Variants in MCMDC2 observed in about 807,000 individuals in gnomAD.
MCMDC2 encodes the protein minichromosome maintenance domain-containing protein 2.
MCMDC2 carries 54 observed loss-of-function variants against 75.8 expected under a neutral mutation model. The observed-to-expected ratio is 0.71, with a 90% CI of 0.57 to 0.89. The LOEUF (loss-of-function observed/expected upper bound fraction) is 0.89. Among genes scored for constraint, MCMDC2 ranks in the 40% least tolerant of loss-of-function variants. MCMDC2 has a pLI of 0.00. For synonymous variants in MCMDC2, 249 were observed against 274.6 expected (o/e 0.91, Z 0.92); for missense variants, 656 against 780.4 (o/e 0.84, Z 1.90).
intron 8 of MCMDC2, among the ~76,000 whole-genome samples, chr8:66,882,041 G>T (rs1196972414): frequency 6.6e-6 from 1 of 152,192 alleles, no homozygotes; most frequent in African/African-American, 2.4e-5. Flanking sequence ...TTATAGGGTG[G>T]TTTTACTGGT....
downstream of MCMDC2, among the ~76,000 whole-genome samples, chr8:66,925,127 G>C (rs1294150334): frequency 2.0e-5 from 3 of 152,284 alleles, no homozygotes; most frequent in African/African-American, 7.2e-5. Flanking sequence ...GCCTCCCGAC[G>C]GTCCCTTGCA....
At chr8:66,926,149 C>T (rs1411021019), downstream of MCMDC2, 1 of 152,092 alleles carries the variant, frequency 6.6e-6, no homozygotes, top group Non-Finnish European at 1.5e-5. Flanking sequence ...TCAAAACAAA[C>T]AAACAAACCA....
At chr8:66,914,978 T>C (rs1303636034) in intron 14 of MCMDC2, among the ~76,000 whole-genome samples, 1 of 151,908 alleles carries the variant, frequency 6.6e-6, no homozygotes, top group Non-Finnish European at 1.5e-5. Context: ...TTTATCAAGA[T>C]TGGGGAGAAA....
At chr8:66,874,720 A>G (rs1248032784) in intron 4 of MCMDC2, 134 bp downstream of exon 4, 3 of 738,708 alleles carry the variant, frequency 4.1e-6, no homozygotes, top group African/African-American at 1.8e-5. Context: ...AATATCTTAC[A>G]TAGGCATCTT....
At chr8:66,905,022 A>G (rs1449347465) in intron 13 of MCMDC2, among the ~76,000 whole-genome samples, 1 of 152,154 alleles carries the variant, frequency 6.6e-6, no homozygotes, top group Admixed American at 6.5e-5. Flanking sequence ...ATGGAAACCA[A>G]AAGGATACTG....
In MCMDC2 at chr8:66,907,786, T is replaced by C. The variant is rs1812963947; in HGVS notation, c.1879+2451T>C. On this transcript the variant is annotated intron_variant, in intron 14 of 14. Coordinates refer to ENST00000422365, the MANE Select transcript of MCMDC2 (RefSeq NM_173518.5). ...CCATTCTAACTGTTGTGAGATGATA[T>C]CTCATTGTGGTTTTGATTTGCATTT... Among the ~76,000 whole-genome samples, 5 of 152,246 alleles carry C rather than the reference T, an allele frequency of 3.3e-5. No individual in the cohort carries two copies. The South Asian group carries it at 1.0e-3, about 32-fold the overall frequency.
chr8:66,880,880 T>C lies in MCMDC2; in HGVS notation c.741T>C (p.Asn247=). ...CAGTGAATAAAATGAATATAGGAAA[T>C]GAATATAAAATTATTGGAATTCCAA... ...DESVNKMNIG[N]EYKIIGIPTC... is the part of the protein sequence containing the mutation. Residue 247 remains asparagine, a synonymous_variant, in exon 8 of 15, where the codon AAT becomes AAC. Coordinates refer to ENST00000422365, the MANE Select transcript of MCMDC2 (RefSeq NM_173518.5). 1 of 1,561,174 alleles carries C rather than the reference T, an allele frequency of 6.4e-7. No individual in the cohort carries two copies. The highest frequency in any genetic ancestry group is 8.7e-7 in the Non-Finnish European group (1 of 1,153,968).
intron 4 of MCMDC2, among the ~76,000 whole-genome samples, chr8:66,875,399 C>T (rs1811234222): frequency 6.6e-6 from 1 of 152,140 alleles, no homozygotes; most frequent in South Asian, 2.1e-4. Context: ...CCTGCCTCAG[C>T]CTCCCAAGTA....
At chr8:66,879,383 A>G (rs963158484) in intron 7 of MCMDC2, among the ~76,000 whole-genome samples, 2 of 152,234 alleles carry the variant, frequency 1.3e-5, no homozygotes, top group Non-Finnish European at 2.9e-5. Flanking sequence ...ACCTAAGGTC[A>G]GGAGTTCAAG....
intron 14 of MCMDC2, among the ~76,000 whole-genome samples, chr8:66,915,597 G>A (rs1317791205): frequency 6.7e-6 from 1 of 149,956 alleles, no homozygotes; most frequent in Non-Finnish European, 1.5e-5. Context: ...TGGAGGAAAA[G>A]TGTGAGTATA....
rs75952297 is a variant in MCMDC2 at position 66,917,158 on chromosome 8, A to G, written c.1880-1845A>G. ...CTATGTATATGGGATGTTTGGGGAA[A>G]AAAAGCTTCATTTTGGAGAGGCACA... On this transcript the variant is annotated intron_variant, in intron 14 of 14. Transcript: ENST00000422365. 2.4e-3 allele frequency among the ~76,000 whole-genome samples: 363 copies of G among 152,242 alleles called. 6 individuals are homozygous for G. In the East Asian group the frequency reaches 0.032, roughly 13 times the overall value.
chr8:66,899,207 A>G (rs1446569934), intron 12 of MCMDC2, among the ~76,000 whole-genome samples: 2 of 152,194 alleles, frequency 1.3e-5, no homozygotes, highest in Non-Finnish European at 2.9e-5. Context: ...TACGGACTTT[A>G]TAATGTCCTC....
At chr8:66,876,034 AT>A (rs1489540557) in intron 4 of MCMDC2, among the ~76,000 whole-genome samples, 1 of 152,178 alleles carries the variant, frequency 6.6e-6, no homozygotes, top group Non-Finnish European at 1.5e-5. Flanking sequence ...TATAGTATCT[AT>A]TGTTGCACTT....
chr8:66,874,635 G>T, intron 4 of MCMDC2, 49 bp downstream of exon 4: 1 of 1,457,796 alleles, frequency 6.9e-7, no homozygotes, highest in South Asian at 1.3e-5. Flanking sequence ...TTTACATGAT[G>T]ACTTGTAAAA....
chr8:66,898,149 T>C (rs532116371), intron 12 of MCMDC2, among the ~76,000 whole-genome samples: 1 of 152,288 alleles, frequency 6.6e-6, no homozygotes, highest in Admixed American at 6.5e-5. Context: ...GTACTAAATA[T>C]GGACAGGCTA....
downstream of MCMDC2, among the ~76,000 whole-genome samples, chr8:66,924,324 A>T (rs901751350): frequency 3.3e-5 from 5 of 152,040 alleles, no homozygotes; most frequent in African/African-American, 1.2e-4. Flanking sequence ...TCACTGATGA[A>T]ATTTTAAAAT....
intron 10 of MCMDC2, among the ~76,000 whole-genome samples, chr8:66,895,618 C>A (rs1812317160): frequency 6.6e-6 from 1 of 152,022 alleles, no homozygotes; most frequent in African/African-American, 2.4e-5. Flanking sequence ...AGGCTGGTCT[C>A]AAACTCCTGG....
At chr8:66,893,169 A>G (rs1812192372) in intron 10 of MCMDC2, among the ~76,000 whole-genome samples, 1 of 152,236 alleles carries the variant, frequency 6.6e-6, no homozygotes, top group Non-Finnish European at 1.5e-5. Flanking sequence ...GCATGAATGT[A>G]TAAGTGTGCT....
chr8:66,883,835 T>C lies in MCMDC2; in HGVS notation c.914T>C (p.Leu305Pro). ...TCATGCTGGAAGTTTACAGCAATAC[T>C]TGCCAATATCTTTGCATCACAAATT... is the stretch of plus-strand genomic sequence containing the variant. ...SSSCWKFTAI[L>P]ANIFASQITP... The change falls in exon 9 of 15, where the codon CTT (leucine) becomes CCT (proline). Residue 305 changes from leucine (L) to proline (P), a missense_variant. Leu to Pro is a moderately conservative substitution (Grantham distance 98). Transcript: ENST00000422365. 1.2e-6 allele frequency: 2 copies of C among 1,614,044 alleles called. No homozygotes were observed. The highest frequency in any genetic ancestry group is 1.7e-6 in the Non-Finnish European group (2 of 1,179,998).
Sources: gnomAD v4.1 joint callset for allele counts (sites outside exome capture counted in the v4.1 genomes callset) on GRCh38, gnomAD v4.1.1 for gene constraint, MANE v1.5 for transcripts, NCBI Gene and HGNC (gene_info 2026-07-23, HGNC 2026-07-21) for gene names.